EDARADD: variants seen among roughly 807,000 people sequenced by gnomAD.
EDARADD encodes ectodysplasin-A receptor-associated adapter protein.
In EDARADD, 20 loss-of-function variants were observed where a neutral mutation model predicts 25.6. The ratio of observed to expected loss-of-function variants is 0.78; its 90% CI spans 0.55 to 1.14. EDARADD has a LOEUF of 1.14. Ranked by LOEUF, EDARADD falls within the 50% of genes most tolerant of loss-of-function variation. The pLI, the probability that EDARADD is intolerant of heterozygous loss-of-function variation, is 0.00. For synonymous variants in EDARADD, 86 were observed against 94.4 expected (o/e 0.91, Z 0.52); for missense variants, 225 against 270.1 (o/e 0.83, Z 1.17).
Position 236,374,674 on chromosome 1 carries a change from A to C in EDARADD, c.-6+23835A>C, listed in dbSNP as rs7544770. Reference sequence around the variant, plus strand: ...TATGTAATACCCCTCTTTAGCTCTGATAACCTTCCTTGCTCTGAAGTCTGC... The same window carrying C: ...TATGTAATACCCCTCTTTAGCTCTGCTAACCTTCCTTGCTCTGAAGTCTGC... On this transcript the variant is annotated intron_variant, in intron 3 of 7. Coordinates refer to the EDARADD transcript ENST00000439430. Among the ~76,000 whole-genome samples, 1,186 of 152,142 alleles carry C rather than the reference A, an allele frequency of 7.8e-3. 12 individuals are homozygous for C. Among genetic ancestry groups the C allele is most frequent in the African/African-American group, 0.027 (1,127 of 41,486 alleles).
chr1:236,431,192 GT>G (rs1402939831), intron 4 of EDARADD, among the ~76,000 whole-genome samples: 1 of 152,186 alleles, frequency 6.6e-6, no homozygotes, highest in Non-Finnish European at 1.5e-5. Context: ...TGCCTTTTTA[GT>G]GATTTTTATA....
At chr1:236,397,125 A>T (rs571318247) in intron 1 of EDARADD, among the ~76,000 whole-genome samples, 2 of 152,274 alleles carry the variant, frequency 1.3e-5, no homozygotes, top group South Asian at 4.1e-4. Context: ...TAAAAAGCTC[A>T]GTGGCTGGGT....
At chr1:236,378,526 C>T (rs553639357) in intron 3 of EDARADD, among the ~76,000 whole-genome samples, 2 of 152,238 alleles carry the variant, frequency 1.3e-5, no homozygotes, top group Non-Finnish European at 1.5e-5. Flanking sequence ...AGGAATTTGC[C>T]CTATGACCTT....
intron 3 of EDARADD, among the ~76,000 whole-genome samples, chr1:236,367,842 C>T (rs901754849): frequency 6.6e-6 from 1 of 152,148 alleles, no homozygotes; most frequent in African/African-American, 2.4e-5. Flanking sequence ...GGCATTGTGG[C>T]TCATGCCTGT....
chr1:236,466,029 A>G (rs955224962), intron 4 of EDARADD, among the ~76,000 whole-genome samples: 2 of 152,206 alleles, frequency 1.3e-5, no homozygotes, highest in Admixed American at 1.3e-4. Flanking sequence ...GCCAAGTAAC[A>G]TAGTTTCTAC....
intron 4 of EDARADD, among the ~76,000 whole-genome samples, chr1:236,454,505 C>T (rs1264973493): frequency 1.3e-5 from 2 of 152,182 alleles, no homozygotes; most frequent in East Asian, 3.9e-4. Context: ...GCTTTATTTC[C>T]TAGGCTTGGT....
rs1170622280 is a variant in EDARADD, at chr1:236,431,927, C to CAAAA, written c.219+4499_219+4502dup. Among the ~76,000 whole-genome samples, 23 of 17,984 alleles carry CAAAA rather than the reference C, an allele frequency of 1.3e-3. 3 individuals are homozygous for CAAAA. The highest frequency in any genetic ancestry group is 1.8e-3 in the African/African-American group (20 of 10,916). 11.8% of individuals were successfully genotyped at this position (17,984 alleles called of 152,430 possible). A position where few individuals can be genotyped will look rare whatever the true frequency, so the allele number is the denominator to read the frequency against. ...TGGGCGACAGAGCGAGACTCCGTCTCAAAAAAAAAAAAAAAAAAAAAAAAA... is the reference window on the plus strand; with the variant it reads ...TGGGCGACAGAGCGAGACTCCGTCTCAAAAAAAAAAAAAAAAAAAAAAAAAAAAA... On this transcript the variant is annotated intron_variant, in intron 4 of 5. Coordinates refer to ENST00000334232, the MANE Select transcript of EDARADD (RefSeq NM_145861.4).
At chr1:236,472,305 T>G (rs1659379921) in intron 5 of EDARADD, among the ~76,000 whole-genome samples, 1 of 152,202 alleles carries the variant, frequency 6.6e-6, no homozygotes, top group Admixed American at 6.5e-5. Flanking sequence ...AATCTGGAGA[T>G]GTCTTCAAGG....
intron 3 of EDARADD, 38 bp from the exon 4 acceptor site, chr1:236,427,354 A>ACTTC (rs1553267278): frequency 1.3e-5 from 21 of 1,590,712 alleles, no homozygotes; most frequent in Middle Eastern, 1.7e-4. Context: ...TTAAAATCAC[A>ACTTC]CTTTGTTTCT....
At chr1:236,405,871 TTCCTTC>T (rs1558112780) in intron 1 of EDARADD, among the ~76,000 whole-genome samples, 1 of 59,850 alleles carries the variant, frequency 1.7e-5, no homozygotes, top group African/African-American at 7.0e-5. Context: ...CCTTCCTTCC[TTCCTTC>T]TTTCTTTCTT....
intron 5 of EDARADD, among the ~76,000 whole-genome samples, chr1:236,474,017 C>T (rs1181123265): frequency 2.0e-5 from 3 of 152,086 alleles, no homozygotes; most frequent in African/African-American, 4.8e-5. Flanking sequence ...TTAGTCCAAG[C>T]GATACAGGAA....
At chr1:236,434,282 G>C (rs673383) in intron 4 of EDARADD, among the ~76,000 whole-genome samples, 2 of 151,774 alleles carry the variant, frequency 1.3e-5, no homozygotes, top group African/African-American at 4.8e-5. Flanking sequence ...CTGTCTCCCA[G>C]GCTGGAGTGC....
In EDARADD at chr1:236,464,423, C is replaced by A. The variant is rs79759259; in HGVS notation, c.220-3808C>A. ...CCACCATGCGTGGTCCTTGCTGCAA[C>A]TTTTTTTTTTTTTTTTTTTTTTTTT... On this transcript the variant is annotated intron_variant, in intron 4 of 5. Transcript: ENST00000334232. Among the ~76,000 whole-genome samples, 8 of 72,976 alleles carry A rather than the reference C, an allele frequency of 1.1e-4. No homozygotes were observed. The South Asian group carries it at 2.3e-3, about 21-fold the overall frequency. The allele number at this position is 72,976 out of a possible 152,430, so 47.9% of individuals were successfully genotyped here.
At chr1:236,389,332 C>T (rs1367112265), upstream of EDARADD, among the ~76,000 whole-genome samples, 1 of 152,178 alleles carries the variant, frequency 6.6e-6, no homozygotes, top group East Asian at 1.9e-4. Flanking sequence ...CCACCCAGGG[C>T]ATTCTAAGTG....
At chr1:236,440,377 T>G (rs1388597351) in intron 4 of EDARADD, among the ~76,000 whole-genome samples, 1 of 152,184 alleles carries the variant, frequency 6.6e-6, no homozygotes, top group African/African-American at 2.4e-5. Context: ...CATGTAAATT[T>G]TAGAATCAGT....
chr1:236,426,753 G>T (rs1434992095), intron 3 of EDARADD, among the ~76,000 whole-genome samples: 1 of 152,200 alleles, frequency 6.6e-6, no homozygotes, highest in African/African-American at 2.4e-5. Context: ...TACTTAGCTT[G>T]GTGTGGTGGC....
At chr1:236,462,935 C>T (rs1246243152) in intron 4 of EDARADD, among the ~76,000 whole-genome samples, 1 of 152,042 alleles carries the variant, frequency 6.6e-6, no homozygotes, top group African/African-American at 2.4e-5. Context: ...TCACACCTCG[C>T]CAATTAAATA....
upstream of EDARADD, among the ~76,000 whole-genome samples, chr1:236,390,685 A>C (rs1053019697): frequency 1.3e-5 from 2 of 152,200 alleles, no homozygotes; most frequent in Non-Finnish European, 2.9e-5. Context: ...ACAGTGTATC[A>C]AAAGGATTAA....
intron 5 of EDARADD, among the ~76,000 whole-genome samples, chr1:236,480,133 A>ATATATATATATATCTATC (rs1553271650): frequency 2.1e-5 from 3 of 142,088 alleles, no homozygotes; most frequent in African/African-American, 8.0e-5. Flanking sequence ...ATATATATAT[A>ATATATATATATATCTATC]TATCACATTT....
Sources: allele counts gnomAD v4.1 joint callset (sites outside exome capture counted in the v4.1 genomes callset), GRCh38; gene constraint gnomAD v4.1.1; transcripts MANE v1.5; gene names NCBI Gene and HGNC (gene_info 2026-07-23, HGNC 2026-07-21).